Variants in KIAA1217 observed in about 807,000 individuals in gnomAD.
The protein encoded by KIAA1217 is sickle tail protein homolog.
A neutral mutation model predicts 163.9 loss-of-function variants in KIAA1217; 88 were observed. That is an observed-to-expected ratio of 0.54 (90% CI 0.45 to 0.64). The LOEUF (loss-of-function observed/expected upper bound fraction) is 0.64, where lower values mean the gene tolerates loss of function less well. KIAA1217 is among the 30% of genes least tolerant of loss of function. The pLI is 0.00. For synonymous variants in KIAA1217, 903 were observed against 923.1 expected (o/e 0.98, Z 0.39); for missense variants, 2,372 against 2,475.0 (o/e 0.96, Z 0.88).
At chr10:24,447,703 G>A (rs915812848) in intron 5 of KIAA1217, among the ~76,000 whole-genome samples, 1 of 152,126 alleles carries the variant, frequency 6.6e-6, no homozygotes, top group Non-Finnish European at 1.5e-5. Flanking sequence ...TACTAAGAGC[G>A]ATACAGTGAT....
intron 1 of KIAA1217, among the ~76,000 whole-genome samples, chr10:23,993,551 AGC>A (rs1846316305): frequency 4.6e-5 from 2 of 43,800 alleles, no homozygotes; most frequent in African/African-American, 1.4e-4. Flanking sequence ...TCCATAGCCC[AGC>A]TTTTTTTTTT....
chr10:24,020,350 A>T (rs949685), intron 2 of KIAA1217, among the ~76,000 whole-genome samples: 7,957 of 152,188 alleles, frequency 0.052, 230 homozygotes, highest in Middle Eastern at 0.071. Flanking sequence ...AAACCACACT[A>T]AGTAGCATTG....
At chr10:24,350,234 TA>T (rs1043761595) in intron 2 of KIAA1217, among the ~76,000 whole-genome samples, 3 of 152,216 alleles carry the variant, frequency 2.0e-5, no homozygotes, top group African/African-American at 7.2e-5. Flanking sequence ...TTCCTGGTTT[TA>T]AAACAGTGAC....
intron 3 of KIAA1217, among the ~76,000 whole-genome samples, chr10:24,421,987 A>T (rs1309218638): frequency 6.6e-6 from 1 of 152,242 alleles, no homozygotes; most frequent in Non-Finnish European, 1.5e-5. Flanking sequence ...CAAGAAAAGA[A>T]GTTTAATGGA....
chr10:24,352,157 G>GCA (rs199640264), intron 2 of KIAA1217, among the ~76,000 whole-genome samples: 2,585 of 152,296 alleles, frequency 0.017, 31 homozygotes, highest in Middle Eastern at 0.075. Context: ...CTGCTGGGGT[G>GCA]GAAAAGAGGT....
In KIAA1217 at chr10:23,744,565, G is replaced by A. The variant is rs115292858; in HGVS notation, c.-321+49331G>A. On this transcript the variant is annotated intron_variant, in intron 1 of 18. Coordinates refer to the KIAA1217 transcript ENST00000376462. ...GTTTTGGGAGAAGTAGGCATAACAA[G>A]TCTCTCCAAAGGCAGCCCTGGGAAG... Among the ~76,000 whole-genome samples the A allele has an allele frequency of 8.2e-3, 1,249 of 152,210 alleles. 19 individuals carry two copies. Among genetic ancestry groups the A allele is most frequent in the African/African-American group, 0.028 (1,172 of 41,532 alleles).
intron 1 of KIAA1217, among the ~76,000 whole-genome samples, chr10:23,870,827 A>G (rs1274081742): frequency 2.6e-5 from 4 of 152,024 alleles, no homozygotes; most frequent in Non-Finnish European, 1.5e-5. Context: ...ACCCTAAGTC[A>G]ATTGAGTTTA....
chr10:24,341,095 T>C (rs1050532418), intron 2 of KIAA1217, among the ~76,000 whole-genome samples: 2 of 152,088 alleles, frequency 1.3e-5, no homozygotes, highest in Non-Finnish European at 2.9e-5. Flanking sequence ...GGATTAGATC[T>C]GCTTGTTATC....
At chr10:23,916,736 G>A (rs970046118) in intron 1 of KIAA1217, among the ~76,000 whole-genome samples, 15 of 152,230 alleles carry the variant, frequency 9.9e-5, no homozygotes, top group African/African-American at 3.4e-4. Flanking sequence ...CACTTAGGGA[G>A]GCTGAGGCGG....
At chr10:24,124,108 G>T (rs1458953840) in intron 2 of KIAA1217, among the ~76,000 whole-genome samples, 9 of 152,062 alleles carry the variant, frequency 5.9e-5, no homozygotes, top group African/African-American at 2.2e-4. Flanking sequence ...GTACTTTGGA[G>T]AATCTTAAGA....
chr10:24,004,702 C>T (rs1383698655), intron 1 of KIAA1217, among the ~76,000 whole-genome samples: 2 of 152,208 alleles, frequency 1.3e-5, no homozygotes, highest in Non-Finnish European at 2.9e-5. Flanking sequence ...AATTGTCTGC[C>T]TTCTCATATA....
At chr10:23,857,232 C>T (rs897048688) in intron 1 of KIAA1217, among the ~76,000 whole-genome samples, 5 of 152,168 alleles carry the variant, frequency 3.3e-5, no homozygotes, top group Non-Finnish European at 7.3e-5. Context: ...CCATACGATA[C>T]TGACTTGAGA....
At chr10:24,294,647 A>T (rs1054542274) in intron 2 of KIAA1217, among the ~76,000 whole-genome samples, 3 of 152,244 alleles carry the variant, frequency 2.0e-5, no homozygotes, top group Admixed American at 6.5e-5. Flanking sequence ...CACTTCAACC[A>T]ACTGCTTCAG....
intron 2 of KIAA1217, among the ~76,000 whole-genome samples, chr10:24,185,699 G>A (rs1350804677): frequency 6.6e-6 from 1 of 152,104 alleles, no homozygotes; most frequent in Non-Finnish European, 1.5e-5. Context: ...GGAGGTTGAG[G>A]CAGGAGAATT....
At chr10:24,428,899 A>G (rs1279156676) in intron 3 of KIAA1217, among the ~76,000 whole-genome samples, 2 of 152,032 alleles carry the variant, frequency 1.3e-5, no homozygotes, top group African/African-American at 2.4e-5. Flanking sequence ...TGAAACTTAC[A>G]TGTTAGCAAG....
intron 8 of KIAA1217, among the ~76,000 whole-genome samples, chr10:24,501,149 C>A (rs1490805705): frequency 2.6e-5 from 4 of 152,048 alleles, no homozygotes; most frequent in African/African-American, 9.7e-5. Context: ...TAGATAGGAG[C>A]ATAGGCAGCT....
At chr10:23,736,172 A>G (rs1838787319) in intron 1 of KIAA1217, among the ~76,000 whole-genome samples, 1 of 152,214 alleles carries the variant, frequency 6.6e-6, no homozygotes, top group Non-Finnish European at 1.5e-5. Context: ...CATGTTATTT[A>G]GGAAATTCTT....
chr10:24,074,518 A>G (rs1040750942), intron 2 of KIAA1217, among the ~76,000 whole-genome samples: 12 of 152,160 alleles, frequency 7.9e-5, no homozygotes, highest in African/African-American at 2.9e-4. Flanking sequence ...AGAATGTGTC[A>G]GTAACAAACT....
intron 1 of KIAA1217, among the ~76,000 whole-genome samples, chr10:23,723,129 A>G (rs773293592): frequency 6.6e-6 from 1 of 152,152 alleles, no homozygotes; most frequent in Non-Finnish European, 1.5e-5. Flanking sequence ...TTGGGGCCAC[A>G]TGGATATTGA....
Sources: allele counts gnomAD v4.1 joint callset (sites outside exome capture counted in the v4.1 genomes callset), GRCh38; gene constraint gnomAD v4.1.1; transcripts MANE v1.5; gene names NCBI Gene and HGNC (gene_info 2026-07-23, HGNC 2026-07-21).